The following FYB1 variants were observed in gnomAD, a reference collection of about 807,000 sequenced individuals.
FYB1 encodes the protein FYN binding protein 1, also known as FYN-binding protein 1.
Under a neutral mutation model 94.1 loss-of-function variants are expected in FYB1, and 41 were observed. The ratio of observed to expected loss-of-function variants is 0.44; its 90% confidence interval spans 0.34 to 0.57. The LOEUF is 0.57. Among genes scored for constraint, FYB1 ranks in the 20% least tolerant of loss-of-function variants. FYB1 has a pLI of 0.02. For synonymous variants in FYB1, 367 were observed against 353.2 expected, an observed-to-expected ratio of 1.04 and a Z score of -0.44; for missense variants, 1,050 against 976.8, an observed-to-expected ratio of 1.07 and a Z score of -1.00.
At chr5:39,215,392 GT>G (rs1749776839) in intron 1 of FYB1, among the ~76,000 whole-genome samples, 1 of 152,068 alleles carries the variant, frequency 6.6e-6, no homozygotes, top group Non-Finnish European at 1.5e-5. Context: ...AATATTTTGA[GT>G]GGTTTTCATT....
rs542857527 is a variant in FYB1, at chr5:39,169,182, T to C, written c.1136-15578A>G. The C allele has an allele frequency of 3.7e-6, 3 of 800,744 alleles. No homozygotes were observed. The East Asian group carries it at 7.3e-5, about 19-fold the overall frequency. 49.6% of individuals were successfully genotyped at this position (800,744 alleles called of 1,614,324 possible). A position where few individuals can be genotyped will look rare whatever the true frequency, so the allele number is the denominator to read the frequency against. ...GATCCCAAGTTTAGAAAAAGACAAC[T>C]AATCATTGCAACATCTGGGCTCAGT... On this transcript the variant is annotated intron_variant, in intron 2 of 18. Coordinates refer to ENST00000512982, the MANE Select transcript of FYB1 (RefSeq NM_001465.6).
intron 1 of FYB1, among the ~76,000 whole-genome samples, chr5:39,260,801 T>A (rs1205594760): frequency 6.6e-6 from 1 of 152,158 alleles, no homozygotes; most frequent in Non-Finnish European, 1.5e-5. Context: ...AAATTGTTGA[T>A]GTTCTTTGAC....
At chr5:39,146,279 C>CCTAA (rs746306888) in intron 3 of FYB1, among the ~76,000 whole-genome samples, 1 of 152,120 alleles carries the variant, frequency 6.6e-6, no homozygotes, top group Non-Finnish European at 1.5e-5. Flanking sequence ...TTTCCTTAAG[C>CCTAA]CTAATCATTG....
intron 2 of FYB1, among the ~76,000 whole-genome samples, chr5:39,158,470 C>T (rs1743953581): frequency 6.6e-6 from 1 of 151,986 alleles, no homozygotes; most frequent in South Asian, 2.1e-4. Context: ...GATTTGAGGG[C>T]AATGGAAGAT....
intron 5 of FYB1, 154 bp downstream of exon 5, chr5:39,139,079 A>T: frequency 1.2e-6 from 1 of 838,326 alleles, no homozygotes; most frequent in Non-Finnish European, 1.8e-6. Context: ...GTAACATCTT[A>T]AGCATTTTAG....
intron 2 of FYB1, among the ~76,000 whole-genome samples, chr5:39,176,275 C>A (rs569373823): frequency 1.3e-5 from 2 of 150,834 alleles, no homozygotes; most frequent in Non-Finnish European, 3.0e-5. Flanking sequence ...CTCAGCCTCC[C>A]GAGTAGCTGG....
At chr5:39,232,534 T>C (rs1269582086) in intron 1 of FYB1, among the ~76,000 whole-genome samples, 4 of 151,550 alleles carry the variant, frequency 2.6e-5, no homozygotes, top group Admixed American at 2.6e-4. Flanking sequence ...TTTATTTATT[T>C]ATTTATTTAT....
At chr5:39,123,346 A>G (rs913387668) in intron 13 of FYB1, among the ~76,000 whole-genome samples, 1 of 152,178 alleles carries the variant, frequency 6.6e-6, no homozygotes, top group African/African-American at 2.4e-5. Flanking sequence ...TATCATCTAG[A>G]AGGGTCAAAG....
chr5:39,160,982 TA>T (rs1164073398), intron 2 of FYB1, among the ~76,000 whole-genome samples: 1 of 152,198 alleles, frequency 6.6e-6, no homozygotes, highest in Non-Finnish European at 1.5e-5. Flanking sequence ...AAGCAAGATT[TA>T]AAAAAACTGC....
intron 3 of FYB1, among the ~76,000 whole-genome samples, chr5:39,150,091 A>AT (rs1056852128): frequency 6.6e-5 from 10 of 151,818 alleles, no homozygotes; most frequent in African/African-American, 1.2e-4. Context: ...CTAGGAGGCC[A>AT]TTTTTTTTCG....
At chr5:39,206,406 G>C (rs1285255474) in intron 1 of FYB1, among the ~76,000 whole-genome samples, 1 of 152,112 alleles carries the variant, frequency 6.6e-6, no homozygotes, top group Non-Finnish European at 1.5e-5. Flanking sequence ...TTTTCTTTAA[G>C]CGTAATGATA....
rs1207904440 is a variant in FYB1, at chr5:39,125,992, T to G, written c.2045+6A>C. On this transcript the variant is annotated splice_donor_region_variant and intron_variant, in intron 12 of 18. Coordinates refer to ENST00000512982, the MANE Select transcript of FYB1 (RefSeq NM_001465.6). ...TGTACACTGGATTTGGTTGGTTGACTCTTACGATGAACCTTCATTATTGTC... is the reference window on the plus strand; with the variant it reads ...TGTACACTGGATTTGGTTGGTTGACGCTTACGATGAACCTTCATTATTGTC... 3 of 1,612,770 alleles carry G rather than the reference T, an allele frequency of 1.9e-6. No individual in the cohort carries two copies. Among genetic ancestry groups the G allele is most frequent in the Non-Finnish European group, 2.5e-6 (3 of 1,179,422 alleles).
At chr5:39,193,493 T>G (rs1747546338) in intron 2 of FYB1, among the ~76,000 whole-genome samples, 1 of 152,108 alleles carries the variant, frequency 6.6e-6, no homozygotes, top group Admixed American at 6.5e-5. Flanking sequence ...AAGTCATGGC[T>G]AAGGGAAGAA....
intron 1 of FYB1, among the ~76,000 whole-genome samples, chr5:39,247,135 A>T (rs1161383497): frequency 7.4e-6 from 1 of 134,750 alleles, no homozygotes; most frequent in South Asian, 2.4e-4. Context: ...CCATTTGTCA[A>T]ATGAATAGCT....
intron 1 of FYB1, among the ~76,000 whole-genome samples, chr5:39,235,100 T>G (rs978940761): frequency 6.6e-6 from 1 of 151,678 alleles, no homozygotes; most frequent in Non-Finnish European, 1.5e-5. Context: ...TCACACAGTT[T>G]ATAAATACAA....
chr5:39,178,660 G>T (rs1266892706), intron 2 of FYB1, among the ~76,000 whole-genome samples: 1 of 152,144 alleles, frequency 6.6e-6, no homozygotes, highest in African/African-American at 2.4e-5. Context: ...GGGCAACATT[G>T]AGGTTTTTTT....
At chr5:39,178,666 T>A (rs1484580767) in intron 2 of FYB1, among the ~76,000 whole-genome samples, 2 of 152,168 alleles carry the variant, frequency 1.3e-5, no homozygotes, top group African/African-American at 2.4e-5. Context: ...CATTGAGGTT[T>A]TTTTTAACTG....
rs1207821719 is a variant in FYB1 at position 39,127,818 on chromosome 5, A to T, written c.1841-11T>A. 6.3e-7 allele frequency: 1 copy of T among 1,591,626 alleles called. No homozygotes were observed. The stretch of plus-strand genomic sequence containing the variant: ...GTGGAGGGAATATCCCTTCATTTGG[A>T]TTGGAGGAAAATCTTCTGTTAATTT... On this transcript the variant is annotated splice_polypyrimidine_tract_variant and intron_variant, in intron 10 of 18. Transcript: ENST00000512982.
chr5:39,185,306 C>T (rs1043792267), intron 2 of FYB1, among the ~76,000 whole-genome samples: 9 of 152,026 alleles, frequency 5.9e-5, no homozygotes, highest in African/African-American at 2.2e-4. Context: ...CTCTTCTTTG[C>T]ATTGTATAAA....
Sources: gnomAD v4.1 joint callset for allele counts (sites outside exome capture counted in the v4.1 genomes callset) on GRCh38, gnomAD v4.1.1 for gene constraint, MANE v1.5 for transcripts, NCBI Gene and HGNC (gene_info 2026-07-23, HGNC 2026-07-21) for gene names.